PARM1: variants seen among roughly 807,000 people sequenced by gnomAD.
PARM1 encodes the protein WSC4, cell wall integrity and stress response component 4 homolog.
In PARM1, 14 loss-of-function variants were observed where a neutral mutation model predicts 24.6. The observed-to-expected ratio is 0.57, with a 90% CI of 0.38 to 0.89. PARM1 has a LOEUF of 0.89. Among genes scored for constraint, PARM1 ranks in the 40% least tolerant of loss-of-function variants. The pLI is 0.00. For synonymous variants in PARM1, 179 were observed against 156.6 expected (o/e 1.14, Z -1.07); for missense variants, 362 against 380.4 (o/e 0.95, Z 0.40).
chr4:75,011,385 G>A (rs375713538), intron 1 of PARM1, among the ~76,000 whole-genome samples: 4 of 152,110 alleles, frequency 2.6e-5, no homozygotes, highest in African/African-American at 9.7e-5. Context: ...AATACATGAA[G>A]GGTGACATCT....
intron 1 of PARM1, among the ~76,000 whole-genome samples, chr4:74,970,690 A>G (rs1714230717): frequency 6.6e-6 from 1 of 152,182 alleles, no homozygotes; most frequent in Non-Finnish European, 1.5e-5. Context: ...ACCCTGGTAA[A>G]TGTCTACCCA....
chr4:74,983,506 C>T (rs1246864578), intron 1 of PARM1, among the ~76,000 whole-genome samples: 1 of 152,134 alleles, frequency 6.6e-6, no homozygotes, highest in East Asian at 1.9e-4. Context: ...AGGAGTTTCT[C>T]CTCCTATCTG....
At position 75,012,656 on chromosome 4, in the gene PARM1, G is replaced by T. The variant is rs368039119; in HGVS notation, c.275G>T (p.Ser92Ile). 87 of 1,613,878 alleles carry T rather than the reference G, an allele frequency of 5.4e-5. No individual in the cohort carries two copies. The highest frequency in any genetic ancestry group is 7.2e-5 in the Non-Finnish European group (85 of 1,179,888). The change falls in exon 2 of 4, where the codon AGC becomes ATC. Residue 92 changes from serine to isoleucine, a missense_variant. Coordinates refer to ENST00000307428, the MANE Select transcript of PARM1 (RefSeq NM_015393.4). ...SIESREEEIT[S>I]PGSNWEGTNT... ...GAGTCCAGAGAAGAGGAGATCACCA[G>T]CCCAGGTTCGAATTGGGAAGGCACA...
At chr4:74,983,115 A>C (rs1722290194) in intron 1 of PARM1, among the ~76,000 whole-genome samples, 1 of 152,210 alleles carries the variant, frequency 6.6e-6, no homozygotes, top group Admixed American at 6.5e-5. Context: ...AACTGATTAC[A>C]ATTCATGACC....
Position 75,027,231 on chromosome 4 carries a change from C to T in PARM1, c.770-6652C>T, listed in dbSNP as rs573896949. On this transcript the variant is annotated intron_variant, in intron 2 of 3. Transcript: ENST00000307428. ...CCAGAATGGTTCCCGGGGCCTGACA[C>T]TTGTCTCCGCCATGGAGTGGTGAAA... Among the ~76,000 whole-genome samples the T allele has an allele frequency of 2.6e-3, 396 of 152,268 alleles. 3 individuals carry two copies. The highest frequency in any genetic ancestry group is 3.7e-3 in the Non-Finnish European group (252 of 68,022).
intron 2 of PARM1, among the ~76,000 whole-genome samples, chr4:75,030,560 T>A (rs1259518312): frequency 1.3e-5 from 2 of 152,200 alleles, no homozygotes; most frequent in Non-Finnish European, 2.9e-5. Flanking sequence ...TCACAGGCCT[T>A]CACCAGCCCT....
chr4:75,044,393 G>A (rs955039588), intron 3 of PARM1, among the ~76,000 whole-genome samples: 6 of 152,152 alleles, frequency 3.9e-5, no homozygotes, highest in Admixed American at 6.5e-5. Flanking sequence ...GGGAGCTCCC[G>A]TCTTATGAAC....
chr4:74,959,207 A>G (rs1033069813), intron 1 of PARM1, among the ~76,000 whole-genome samples: 5 of 152,152 alleles, frequency 3.3e-5, no homozygotes, highest in Admixed American at 6.5e-5. Context: ...AAAATCATAA[A>G]ATGTTTTATC....
In PARM1 at chr4:74,933,118, A is replaced by G; in HGVS notation, c.-210A>G. On this transcript the variant is annotated 5_prime_UTR_variant, in exon 1 of 4. Transcript: ENST00000307428. The stretch of plus-strand genomic sequence containing the variant: ...GGCTCGGGCGGCTGGGATGGAGCAG[A>G]AGAGCGCGGAGCACCGGAGGGCACG... 1.9e-6 allele frequency: 1 copy of G among 522,774 alleles called. No individual in the cohort carries two copies. The highest frequency in any genetic ancestry group is 3.3e-6 in the Non-Finnish European group (1 of 299,748). 32.4% of individuals were successfully genotyped at this position (522,774 alleles called of 1,614,324 possible). A position where few individuals can be genotyped will look rare whatever the true frequency, so the allele number is the denominator to read the frequency against.
At chr4:75,003,693 A>G (rs1677092927) in intron 1 of PARM1, among the ~76,000 whole-genome samples, 1 of 152,162 alleles carries the variant, frequency 6.6e-6, no homozygotes, top group Admixed American at 6.5e-5. Context: ...CCACACTCTA[A>G]TTAGGAATGG....
intron 1 of PARM1, among the ~76,000 whole-genome samples, chr4:74,964,320 A>G (rs1459488000): frequency 6.6e-6 from 1 of 152,208 alleles, no homozygotes; most frequent in African/African-American, 2.4e-5. Context: ...CCTGGCCTGC[A>G]TGATTGATGA....
At chr4:75,024,974 C>T (rs11098475) in intron 2 of PARM1, among the ~76,000 whole-genome samples, 49,096 of 152,150 alleles carry the variant, frequency 0.32, 9,713 homozygotes, top group South Asian at 0.46. Flanking sequence ...GGATTACAGG[C>T]GTAAGCCACT....
chr4:74,995,517 T>C (rs1235432728), intron 1 of PARM1, among the ~76,000 whole-genome samples: 1 of 152,146 alleles, frequency 6.6e-6, no homozygotes, highest in Non-Finnish European at 1.5e-5. Flanking sequence ...TTGAGAAAAC[T>C]GAGACACAAG....
At chr4:75,037,264 C>G (rs942532613) in intron 3 of PARM1, among the ~76,000 whole-genome samples, 3 of 152,172 alleles carry the variant, frequency 2.0e-5, no homozygotes, top group African/African-American at 7.2e-5. Flanking sequence ...TTGGCTGGAG[C>G]AGCGAGTGAC....
intron 1 of PARM1, among the ~76,000 whole-genome samples, chr4:74,971,226 A>G (rs546726549): frequency 1.2e-4 from 18 of 152,322 alleles, no homozygotes; most frequent in African/African-American, 2.2e-4. Context: ...GAGCAAAGGC[A>G]TGTCCTACAT....
rs557529041 is a variant in PARM1 at position 75,008,923 on chromosome 4, A to T, written c.44-3502A>T. On this transcript the variant is annotated intron_variant, in intron 1 of 3. Coordinates refer to ENST00000307428, the MANE Select transcript of PARM1 (RefSeq NM_015393.4). ...GATGCTATGAATGGTAAATGGTGTC[A>T]TTTTTTTTTTTTTGCCCTTGGAATC... is the stretch of plus-strand genomic sequence containing the variant. 2.8e-3 allele frequency among the ~76,000 whole-genome samples: 409 copies of T among 146,558 alleles called. 2 individuals carry two copies. Among genetic ancestry groups the T allele is most frequent in the South Asian group, 2.6e-3 (12 of 4,606 alleles).
At chr4:75,008,122 A>G (rs1722806993) in intron 1 of PARM1, among the ~76,000 whole-genome samples, 2 of 152,238 alleles carry the variant, frequency 1.3e-5, no homozygotes, top group Admixed American at 6.5e-5. Context: ...CTACCCCAGG[A>G]GTCAGTGCAT....
intron 2 of PARM1, among the ~76,000 whole-genome samples, chr4:75,030,701 C>T (rs1002660299): frequency 6.6e-6 from 1 of 152,152 alleles, no homozygotes; most frequent in Non-Finnish European, 1.5e-5. Flanking sequence ...GGCTTTATAA[C>T]ATGAGTCACA....
At chr4:75,026,417 G>A (rs149621626) in intron 2 of PARM1, among the ~76,000 whole-genome samples, 216 of 152,280 alleles carry the variant, frequency 1.4e-3, no homozygotes, top group African/African-American at 4.9e-3. Flanking sequence ...ACATATGGCA[G>A]TATCAGTTAC....
Sources: gnomAD v4.1 joint callset for allele counts (sites outside exome capture counted in the v4.1 genomes callset) on GRCh38, gnomAD v4.1.1 for gene constraint, MANE v1.5 for transcripts, NCBI Gene and HGNC (gene_info 2026-07-23, HGNC 2026-07-21) for gene names.